Variants in KLHL22 observed in about 807,000 individuals in gnomAD.
The protein encoded by KLHL22 is kelch-like protein 22.
Under a neutral mutation model 60.7 loss-of-function variants are expected in KLHL22, and 18 were observed. The ratio of observed to expected loss-of-function variants is 0.30; its 90% CI spans 0.20 to 0.44. The LOEUF (loss-of-function observed/expected upper bound fraction) is 0.44, where lower values mean the gene tolerates loss of function less well. Among genes scored for constraint, KLHL22 ranks in the 20% least tolerant of loss-of-function variants. The pLI is 1.00. For synonymous variants in KLHL22, 355 were observed against 354.5 expected, an observed-to-expected ratio of 1.00 and a Z score of -0.01; for missense variants, 596 against 852.3, an observed-to-expected ratio of 0.70 and a Z score of 3.74.
intron 2 of KLHL22, among the ~76,000 whole-genome samples, chr22:20,481,770 A>G (rs1279426850): frequency 1.3e-5 from 2 of 151,816 alleles, no homozygotes; most frequent in African/African-American, 4.8e-5. Flanking sequence ...TGCCCAGCTA[A>G]TATTTGTATT....
intron 5 of KLHL22, among the ~76,000 whole-genome samples, chr22:20,453,811 T>G (rs1201373074): frequency 1.3e-5 from 2 of 152,284 alleles, no homozygotes; most frequent in East Asian, 3.9e-4. Context: ...CTCGGCTCAT[T>G]GCAACCTCTG....
intron 4 of KLHL22, among the ~76,000 whole-genome samples, chr22:20,464,097 T>G (rs2053194054): frequency 1.3e-5 from 2 of 152,082 alleles, no homozygotes. Context: ...GGTAGCTGAG[T>G]CTTGTGGGCC....
At chr22:20,446,402 G>C in intron 6 of KLHL22, 41 bp downstream of exon 6, 1 of 1,093,566 alleles carries the variant, frequency 9.1e-7, no homozygotes, top group East Asian at 2.4e-5. Flanking sequence ...TGAGAGGCTT[G>C]GGAATGATGA....
intron 1 of KLHL22, chr22:20,489,897 T>C (rs1339018678): frequency 2.4e-6 from 1 of 424,098 alleles, no homozygotes; most frequent in Non-Finnish European, 4.9e-6. Context: ...TTGAACCTGA[T>C]GCATTTAAAT....
At chr22:20,474,163 C>T (rs1438849199) in intron 2 of KLHL22, among the ~76,000 whole-genome samples, 1 of 152,048 alleles carries the variant, frequency 6.6e-6, no homozygotes, top group Non-Finnish European at 1.5e-5. Flanking sequence ...CCACGCCCAG[C>T]TAATTTTTTG....
intron 3 of KLHL22, among the ~76,000 whole-genome samples, chr22:20,469,947 A>C (rs1035100379): frequency 6.6e-6 from 1 of 152,114 alleles, no homozygotes; most frequent in Admixed American, 6.5e-5. Flanking sequence ...GTCCCGTGTA[A>C]CTGCACCCAC....
chr22:20,493,151 C>T (rs1301689645), intron 1 of KLHL22: 1 of 471,108 alleles, frequency 2.1e-6, no homozygotes, highest in Non-Finnish European at 4.4e-6. Flanking sequence ...TCCTCACCTT[C>T]CGTGAGCATA....
At chr22:20,487,637 G>C (rs1409472508) in intron 2 of KLHL22, among the ~76,000 whole-genome samples, 1 of 152,156 alleles carries the variant, frequency 6.6e-6, no homozygotes, top group Non-Finnish European at 1.5e-5. Flanking sequence ...GGGATGCAGG[G>C]GGTGTTAGTG....
At chr22:20,460,375 G>A (rs2053132032) in intron 4 of KLHL22, among the ~76,000 whole-genome samples, 1 of 152,090 alleles carries the variant, frequency 6.6e-6, no homozygotes, top group South Asian at 2.1e-4. Context: ...TTGGGAGGCT[G>A]AGGCGGGTGG....
chr22:20,484,237 C>T (rs1257306635), intron 2 of KLHL22: 9 of 399,972 alleles, frequency 2.3e-5, no homozygotes, highest in Non-Finnish European at 3.9e-5. Flanking sequence ...AGGTGATCCA[C>T]CCGCCTCAGC....
chr22:20,448,597 G>C (rs1337153310), intron 5 of KLHL22, among the ~76,000 whole-genome samples: 4 of 152,074 alleles, frequency 2.6e-5, no homozygotes, highest in African/African-American at 9.7e-5. Flanking sequence ...CAGGGTCTTG[G>C]TCTATTGCCC....
intron 5 of KLHL22, chr22:20,450,738 C>A: frequency 1.5e-6 from 2 of 1,334,704 alleles, no homozygotes; most frequent in Non-Finnish European, 1.1e-6. Context: ...TGAAGCATGC[C>A]AAGAAAGAGC....
At chr22:20,457,528 A>G (rs1286004838) in intron 5 of KLHL22, among the ~76,000 whole-genome samples, 2 of 152,120 alleles carry the variant, frequency 1.3e-5, no homozygotes, top group Non-Finnish European at 2.9e-5. Flanking sequence ...GCCAGGGCCA[A>G]GGTGGTGTGA....
intron 4 of KLHL22, among the ~76,000 whole-genome samples, chr22:20,459,731 T>C (rs1231529636): frequency 6.6e-6 from 1 of 152,054 alleles, no homozygotes; most frequent in Non-Finnish European, 1.5e-5. Context: ...TCATTCACTC[T>C]ACCAACATTC....
chr22:20,485,493 C>A (rs1167958719), intron 2 of KLHL22, among the ~76,000 whole-genome samples: 1 of 152,170 alleles, frequency 6.6e-6, no homozygotes, highest in Non-Finnish European at 1.5e-5. Context: ...TGGGAAACAG[C>A]AAGGGACAAT....
intron 5 of KLHL22, among the ~76,000 whole-genome samples, chr22:20,447,538 G>GTTTT (rs576880670): frequency 4.4e-5 from 6 of 137,354 alleles, no homozygotes; most frequent in East Asian, 5.9e-4. Flanking sequence ...GTCTGGGGAG[G>GTTTT]TTTTTCTTTT....
chr22:20,474,519 G>T (rs755859566), intron 2 of KLHL22, among the ~76,000 whole-genome samples: 13 of 152,054 alleles, frequency 8.5e-5, no homozygotes, highest in Admixed American at 2.0e-4. Flanking sequence ...AGCCTCCCGG[G>T]TAGCTGGGAT....
rs182067130 is a variant in KLHL22, at chr22:20,484,079, G to A, written c.227+4906C>T. 2,785 of 981,830 alleles carry A rather than the reference G, an allele frequency of 2.8e-3. 11 individuals carry two copies. The highest frequency in any genetic ancestry group is 0.011 in the Middle Eastern group (33 of 3,002). 60.8% of individuals were successfully genotyped at this position (981,830 alleles called of 1,614,324 possible). A position where few individuals can be genotyped will look rare whatever the true frequency, so the allele number is the denominator to read the frequency against. On this transcript the variant is annotated intron_variant, in intron 2 of 6. Transcript: ENST00000328879. ...AGCCCAGGGACCAGTAGTTGGTGGA[G>A]AAGGTAGAGCGAGTGGTGAAGCTCA...
intron 3 of KLHL22, among the ~76,000 whole-genome samples, chr22:20,470,619 A>G (rs1477639018): frequency 2.0e-5 from 3 of 152,222 alleles, no homozygotes; most frequent in African/African-American, 7.2e-5. Flanking sequence ...ACTGCACTCC[A>G]GCCTGGGCAA....
Sources: allele counts gnomAD v4.1 joint callset (sites outside exome capture counted in the v4.1 genomes callset), GRCh38; gene constraint gnomAD v4.1.1; transcripts MANE v1.5; gene names NCBI Gene and HGNC (gene_info 2026-07-23, HGNC 2026-07-21).